VPS53: variants seen among roughly 807,000 people sequenced by gnomAD.
VPS53 encodes the protein vacuolar protein sorting-associated protein 53 homolog.
A neutral mutation model predicts 107.0 loss-of-function variants in VPS53; 70 were observed. The ratio of observed to expected loss-of-function variants is 0.65; its 90% confidence interval spans 0.54 to 0.80. VPS53 has a LOEUF of 0.80. Among genes scored for constraint, VPS53 ranks in the 30% least tolerant of loss-of-function variants. VPS53 has a pLI of 0.00. For missense variants in VPS53, 917 were observed against 1,049.4 expected (o/e 0.87, Z 1.74); for synonymous variants, 409 against 393.3 (o/e 1.04, Z -0.47).
intron 4 of VPS53, among the ~76,000 whole-genome samples, chr17:667,026 T>C (rs1277836132): frequency 6.6e-6 from 1 of 152,038 alleles, no homozygotes; most frequent in Non-Finnish European, 1.5e-5. Flanking sequence ...AGCGATGACA[T>C]GAAGTAGAGG....
At chr17:674,631 C>T (rs1046347002) in intron 4 of VPS53, 1 of 152,210 alleles carries the variant, frequency 6.6e-6, no homozygotes, top group African/African-American at 2.4e-5. Context: ...CTTCGTCATA[C>T]TGAGGGGGAC....
intron 11 of VPS53, among the ~76,000 whole-genome samples, chr17:611,565 C>T (rs575788884): frequency 5.9e-5 from 9 of 152,310 alleles, no homozygotes; most frequent in African/African-American, 1.9e-4. Context: ...ACCATGTGAC[C>T]CAGCAATTCC....
intron 19 of VPS53, among the ~76,000 whole-genome samples, chr17:530,624 C>T (rs1216500478): frequency 6.6e-6 from 1 of 152,138 alleles, no homozygotes; most frequent in Non-Finnish European, 1.5e-5. Flanking sequence ...AGGACTTCAA[C>T]AACAACGTGG....
intron 15 of VPS53, 31 bp from the exon 16 acceptor site, chr17:553,493 G>A: frequency 6.6e-7 from 1 of 1,505,398 alleles, no homozygotes; most frequent in Non-Finnish European, 9.2e-7. Flanking sequence ...TGGATGCACG[G>A]TTAATGATTA....
rs140406424 is a variant in VPS53, at chr17:644,587, ATT to A, written c.608+8702_608+8703del. On this transcript the variant is annotated intron_variant, in intron 7 of 21. Coordinates refer to ENST00000437048, the MANE Select transcript of VPS53 (RefSeq NM_001128159.3). ...CTCCTCTTGTGCTCTTTTTAGTGTT[ATT>A]TTTTTTTTTCCCCCGAGACGGGTCT... Among the ~76,000 whole-genome samples the A allele has an allele frequency of 5.6e-3, 734 of 131,172 alleles. 6 individuals carry two copies. The highest frequency in any genetic ancestry group is 0.018 in the African/African-American group (698 of 39,284). 86.1% of individuals were successfully genotyped at this position (131,172 alleles called of 152,430 possible). A position where few individuals can be genotyped will look rare whatever the true frequency, so the allele number is the denominator to read the frequency against.
intron 1 of VPS53, among the ~76,000 whole-genome samples, chr17:712,053 T>C (rs921291076): frequency 7.9e-5 from 12 of 151,888 alleles, no homozygotes; most frequent in African/African-American, 2.9e-4. Context: ...CCTGAACTTG[T>C]GATCCACCCG....
intron 17 of VPS53, among the ~76,000 whole-genome samples, chr17:544,953 C>A (rs747358256): frequency 6.6e-6 from 1 of 151,854 alleles, no homozygotes; most frequent in African/African-American, 2.4e-5. Flanking sequence ...TGGTGGTGTG[C>A]GCCAGTAGTA....
intron 7 of VPS53, among the ~76,000 whole-genome samples, chr17:648,958 G>A (rs1970821032): frequency 8.9e-6 from 1 of 111,824 alleles, no homozygotes; most frequent in Admixed American, 8.7e-5. Context: ...GGAGGACAGA[G>A]GAATGGAACA....
intron 13 of VPS53, among the ~76,000 whole-genome samples, chr17:571,668 G>A (rs562575165): frequency 1.8e-4 from 28 of 152,330 alleles, no homozygotes; most frequent in African/African-American, 5.3e-4. Flanking sequence ...TCAGCCTGCC[G>A]AGTGCCTGCG....
chr17:546,309 G>A (rs916766509), intron 17 of VPS53, among the ~76,000 whole-genome samples: 26 of 137,094 alleles, frequency 1.9e-4, no homozygotes, highest in African/African-American at 6.8e-4. Context: ...TCTGGATCAG[G>A]CAATGGTATC....
intron 5 of VPS53, among the ~76,000 whole-genome samples, chr17:659,352 TG>T (rs1289546307): frequency 2.6e-5 from 4 of 152,196 alleles, no homozygotes; most frequent in African/African-American, 9.6e-5. Context: ...AGTGCGATCT[TG>T]GTTCACTGCA....
intron 12 of VPS53, among the ~76,000 whole-genome samples, chr17:593,830 A>T (rs1164345292): frequency 6.6e-6 from 1 of 152,206 alleles, no homozygotes; most frequent in Non-Finnish European, 1.5e-5. Flanking sequence ...AAGGACTATA[A>T]ATCATGCTGC....
chr17:567,021 A>C (rs1913589488), intron 13 of VPS53, among the ~76,000 whole-genome samples: 2 of 152,096 alleles, frequency 1.3e-5, no homozygotes, highest in African/African-American at 2.4e-5. Flanking sequence ...CTGGGATTAC[A>C]GGCGTGAGCC....
intron 19 of VPS53, chr17:523,499 T>C (rs971553053): frequency 1.3e-5 from 2 of 152,202 alleles, no homozygotes; most frequent in Non-Finnish European, 2.9e-5. Context: ...TTACTTTGCT[T>C]TGGACAGAAG....
chr17:557,139 C>G (rs1396850528), intron 15 of VPS53, among the ~76,000 whole-genome samples: 2 of 152,166 alleles, frequency 1.3e-5, no homozygotes, highest in African/African-American at 2.4e-5. Context: ...AGGCATGAGC[C>G]ACCGCGCCCC....
At chr17:707,125 C>G (rs573566930) in intron 2 of VPS53, among the ~76,000 whole-genome samples, 1 of 149,940 alleles carries the variant, frequency 6.7e-6, no homozygotes, top group African/African-American at 2.5e-5. Context: ...TGTTTATTTT[C>G]TATTTATATA....
intron 4 of VPS53, among the ~76,000 whole-genome samples, chr17:694,810 C>T (rs921518282): frequency 2.6e-5 from 4 of 152,106 alleles, no homozygotes; most frequent in African/African-American, 9.7e-5. Flanking sequence ...CTCTGTCATC[C>T]GGGCTGGAGC....
chr17:633,921 GCC>G (rs534131250), intron 7 of VPS53, among the ~76,000 whole-genome samples: 2 of 152,100 alleles, frequency 1.3e-5, no homozygotes, highest in Non-Finnish European at 2.9e-5. Context: ...AGAGGCTCAG[GCC>G]CCCCCTGTTC....
chr17:601,830 C>G lies in VPS53; in HGVS notation c.1183G>C (p.Glu395Gln). ...FLEDEPTPEM[E>Q]ELATEKGDLD... ...TCTCCTTTCTCCGTTGCCAGTTCCT[C>G]CATCTCTGGTGTTGGCTCATCTTCC... Residue 395 changes from glutamate to glutamine, a missense_variant, in exon 12 of 22, where the codon GAG becomes CAG. By Grantham distance (29) the Glu-to-Gln change is conservative (BLOSUM62 2). Transcript: ENST00000437048. 3 of 1,602,330 alleles carry G rather than the reference C, an allele frequency of 1.9e-6. No individual in the cohort carries two copies. The highest frequency in any genetic ancestry group is 2.6e-6 in the Non-Finnish European group (3 of 1,173,790).
Sources: gnomAD v4.1 joint callset for allele counts (sites outside exome capture counted in the v4.1 genomes callset) on GRCh38, gnomAD v4.1.1 for gene constraint, MANE v1.5 for transcripts, NCBI Gene and HGNC (gene_info 2026-07-23, HGNC 2026-07-21) for gene names.